The following CLDN14 variants were observed in gnomAD, a reference collection of about 807,000 sequenced individuals.
CLDN14 encodes claudin 14.
A neutral mutation model predicts 2.1 loss-of-function variants in CLDN14; 2 were observed. The ratio of observed to expected loss-of-function variants is 0.96; its 90% CI spans 0.39 to 3.01. The LOEUF (loss-of-function observed/expected upper bound fraction) is 3.01, where lower values mean the gene tolerates loss of function less well. CLDN14 is among the 30% of genes most tolerant of loss of function. The probability of loss-of-function intolerance (pLI) is 0.09; values close to 1 mark genes in which losing one functional copy is unlikely to be tolerated. For missense variants in CLDN14, 298 were observed against 328.0 expected (o/e 0.91, Z 0.71); for synonymous variants, 136 against 154.4 (o/e 0.88, Z 0.88).
At chr21:36,566,620 T>C (rs1459367860) in intron 1 of CLDN14, among the ~76,000 whole-genome samples, 1 of 152,224 alleles carries the variant, frequency 6.6e-6, no homozygotes, top group Non-Finnish European at 1.5e-5. Context: ...TTCTTGCAGC[T>C]GCTCCCTCGG....
chr21:36,545,916 A>T (rs1302503467), intron 1 of CLDN14, among the ~76,000 whole-genome samples: 1 of 152,114 alleles, frequency 6.6e-6, no homozygotes, highest in Non-Finnish European at 1.5e-5. Context: ...TGGACCCAGG[A>T]CTTCACCAAG....
intron 2 of CLDN14, among the ~76,000 whole-genome samples, chr21:36,509,166 G>T (rs1407129131): frequency 6.6e-6 from 1 of 152,242 alleles, no homozygotes; most frequent in Non-Finnish European, 1.5e-5. Flanking sequence ...GCTAGGTTCT[G>T]ACTCTCTTTG....
chr21:36,488,901 G>A (rs970297204), intron 2 of CLDN14, among the ~76,000 whole-genome samples: 3 of 151,738 alleles, frequency 2.0e-5, no homozygotes, highest in African/African-American at 7.3e-5. Context: ...GGCTGAGGTG[G>A]GCAGATCACC....
At position 36,517,658 on chromosome 21, in the gene CLDN14, T is replaced by C. The variant is rs551433541; in HGVS notation, c.-219-7158A>G. ...TTTCAGGCAATGTTGGATACAGTCC[T>C]GCACAATAGAGCTCAAGGTGTACCC... is the stretch of plus-strand genomic sequence containing the variant. On this transcript the variant is annotated intron_variant, in intron 1 of 2. Coordinates refer to the CLDN14 transcript ENST00000342108. Among the ~76,000 whole-genome samples, 13 of 152,324 alleles carry C rather than the reference T, an allele frequency of 8.5e-5. No homozygotes were observed. In the South Asian group the frequency reaches 2.7e-3, roughly 32 times the overall value.
intron 1 of CLDN14, among the ~76,000 whole-genome samples, chr21:36,529,900 C>T (rs77602547): frequency 0.035 from 5,304 of 152,182 alleles, 132 homozygotes; most frequent in Non-Finnish European, 0.05. Flanking sequence ...TTATATTATG[C>T]TAATATCGGA....
At chr21:36,504,958 CCTGGG>C (rs2087119064) in intron 2 of CLDN14, among the ~76,000 whole-genome samples, 1 of 152,154 alleles carries the variant, frequency 6.6e-6, no homozygotes. Flanking sequence ...CAGTGTTAAC[CCTGGG>C]CATTGACCCA....
intron 1 of CLDN14, among the ~76,000 whole-genome samples, chr21:36,549,550 C>A (rs1281350752): frequency 1.3e-5 from 2 of 152,182 alleles, no homozygotes; most frequent in Non-Finnish European, 2.9e-5. Flanking sequence ...GAGAACAAAT[C>A]ACCTCTAAAA....
intron 1 of CLDN14, among the ~76,000 whole-genome samples, chr21:36,515,996 C>T (rs2087226383): frequency 6.6e-6 from 1 of 151,824 alleles, no homozygotes. Flanking sequence ...CCATGTTGGC[C>T]AGGCTGGTCT....
chr21:36,499,931 G>A lies in CLDN14; in HGVS notation c.-82+10432C>T, dbSNP rs1456486036. Among the ~76,000 whole-genome samples, 4 of 152,138 alleles carry A rather than the reference G, an allele frequency of 2.6e-5. No individual in the cohort carries two copies. Among genetic ancestry groups the A allele is most frequent in the Non-Finnish European group, 4.4e-5 (3 of 68,028 alleles). On this transcript the variant is annotated intron_variant, in intron 2 of 2. Coordinates refer to the CLDN14 transcript ENST00000342108. The surrounding 1 kb of genome is among the most constrained non-coding windows in gnomAD (Gnocchi z 4.7). Reference sequence around the variant, plus strand: ...GGAGCAACCCCGGGAGCAGTACTGGGCCCAGAAGCCTGCCCCAGCCGCGCA... The same window carrying A: ...GGAGCAACCCCGGGAGCAGTACTGGACCCAGAAGCCTGCCCCAGCCGCGCA...
intron 1 of CLDN14, among the ~76,000 whole-genome samples, chr21:36,523,858 T>A (rs1249314970): frequency 6.7e-6 from 1 of 149,886 alleles, no homozygotes; most frequent in Non-Finnish European, 1.5e-5. Flanking sequence ...TTCGGCACCA[T>A]CCCTAATAAC....
At chr21:36,515,467 G>A (rs936286556) in intron 1 of CLDN14, among the ~76,000 whole-genome samples, 2 of 152,066 alleles carry the variant, frequency 1.3e-5, no homozygotes, top group Admixed American at 6.6e-5. Context: ...GAGGTCAGGA[G>A]TTGGAGACCA....
At chr21:36,540,010 ATGTGTGTGGTATGTGTATGGTGTGGTG>A (rs1231825780) in intron 1 of CLDN14, among the ~76,000 whole-genome samples, 9 of 145,514 alleles carry the variant, frequency 6.2e-5, no homozygotes, top group Admixed American at 4.1e-4. Context: ...TATGTGATGT[ATGTGTGTGGTATGTGTATGGTGTGGTG>A]TGTGTGTGGT....
chr21:36,564,032 A>C (rs2087655848), intron 1 of CLDN14, among the ~76,000 whole-genome samples: 3 of 151,968 alleles, frequency 2.0e-5, no homozygotes, highest in Non-Finnish European at 4.4e-5. Flanking sequence ...TGGCCGCCCT[A>C]CTCCCCAGTC....
At chr21:36,463,753 A>C (rs1433276532) in intron 1 of CLDN14, among the ~76,000 whole-genome samples, 5 of 152,160 alleles carry the variant, frequency 3.3e-5, no homozygotes, top group Admixed American at 6.5e-5. Flanking sequence ...AAATCAATAA[A>C]TAAATCCTCT....
intron 2 of CLDN14, among the ~76,000 whole-genome samples, chr21:36,488,205 C>T (rs564845363): frequency 1.3e-5 from 2 of 148,940 alleles, no homozygotes; most frequent in East Asian, 2.0e-4. Context: ...TGCAAAAAGA[C>T]AAATACTGTG....
intron 1 of CLDN14, among the ~76,000 whole-genome samples, chr21:36,465,261 G>A (rs1172595932): frequency 2.0e-5 from 3 of 152,220 alleles, no homozygotes; most frequent in Non-Finnish European, 4.4e-5. Context: ...CAATAATTAA[G>A]TATACAGACC....
chr21:36,564,307 T>C (rs382635), intron 1 of CLDN14, among the ~76,000 whole-genome samples: 114,243 of 152,232 alleles, frequency 0.75, 44,330 homozygotes, highest in Non-Finnish European at 0.87. Context: ...TGCAAGGGTG[T>C]AGGCACCAGA....
intron 1 of CLDN14, among the ~76,000 whole-genome samples, chr21:36,563,556 A>G (rs2087652340): frequency 2.6e-5 from 4 of 152,220 alleles, no homozygotes; most frequent in Admixed American, 2.6e-4. Flanking sequence ...CTTATGAGCC[A>G]TAGGGCCGTC....
At chr21:36,558,130 C>T (rs1384777911) in intron 1 of CLDN14, among the ~76,000 whole-genome samples, 1 of 152,100 alleles carries the variant, frequency 6.6e-6, no homozygotes, top group African/African-American at 2.4e-5. Flanking sequence ...TATTCTGTTC[C>T]TGTTCCTTTG....
Sources: allele counts gnomAD v4.1 joint callset (sites outside exome capture counted in the v4.1 genomes callset), GRCh38; gene constraint gnomAD v4.1.1; non-coding constraint Gnocchi (gnomAD v3.1); transcripts MANE v1.5; gene names NCBI Gene and HGNC (gene_info 2026-07-23, HGNC 2026-07-21).